The following CASP8 variants were observed in gnomAD, a reference collection of about 807,000 sequenced individuals.
CASP8 encodes caspase 8.
In CASP8, 24 loss-of-function variants were observed where a neutral mutation model predicts 46.3. The observed-to-expected ratio is 0.52, with a 90% CI of 0.38 to 0.73. The LOEUF (loss-of-function observed/expected upper bound fraction) is 0.73, where lower values mean the gene tolerates loss of function less well. Ranked by LOEUF, CASP8 falls within the 30% of genes least tolerant of loss-of-function variation. The pLI, the probability that CASP8 is intolerant of heterozygous loss-of-function variation, is 0.00. For missense variants in CASP8, 460 were observed against 559.0 expected, an observed-to-expected ratio of 0.82 and a Z score of 1.79; for synonymous variants, 188 against 200.4, an observed-to-expected ratio of 0.94 and a Z score of 0.52.
Position 201,266,876 on chromosome 2 carries a change from C to T in CASP8, c.305+85C>T. ...CTGATTGGGGCTTTTTTTTGTGGTA[C>T]CCTGCCTAGTGCCTGGGAACCCAGC... is the stretch of plus-strand genomic sequence containing the variant. On this transcript the variant is annotated intron_variant, in intron 2 of 8. Coordinates refer to ENST00000673742, the MANE Select transcript of CASP8 (RefSeq NM_001372051.1). The surrounding 1 kb of genome is among the most constrained non-coding windows in gnomAD (Gnocchi z 5.7). 2.0e-6 allele frequency: 2 copies of T among 976,762 alleles called. No individual in the cohort carries two copies. The highest frequency in any genetic ancestry group is 1.6e-5 in the South Asian group (1 of 61,406). The allele number at this position is 976,762 out of a possible 1,614,324, so 60.5% of individuals were successfully genotyped here.
intron 7 of CASP8, chr2:201,277,841 C>T (rs1389537458): frequency 3.1e-6 from 1 of 320,226 alleles, no homozygotes; most frequent in Non-Finnish European, 5.9e-6. Flanking sequence ...GCTGGGACTA[C>T]AGGCACACAC....
At chr2:201,244,717 A>G (rs1946437479) in intron 2 of CASP8, among the ~76,000 whole-genome samples, 1 of 152,170 alleles carries the variant, frequency 6.6e-6, no homozygotes, top group Non-Finnish European at 1.5e-5. Flanking sequence ...CTCAGCACCA[A>G]AGGGATAACT....
rs1576345914 is a variant in CASP8, at chr2:201,276,681, A to C, written c.661-146A>C. Reference sequence around the variant, plus strand: ...GTCTGAGAGGTCCTGTGTGAAGGAAATAGGTAGAAACTAGTTCTTCGAGGA... The same window carrying C: ...GTCTGAGAGGTCCTGTGTGAAGGAACTAGGTAGAAACTAGTTCTTCGAGGA... On this transcript the variant is annotated intron_variant, in intron 6 of 8. Coordinates refer to ENST00000673742, the MANE Select transcript of CASP8 (RefSeq NM_001372051.1). 4 of 963,658 alleles carry C rather than the reference A, an allele frequency of 4.2e-6. No individual in the cohort carries two copies. In the East Asian group the frequency reaches 1.1e-4, roughly 25 times the overall value. The allele number at this position is 963,658 out of a possible 1,614,324, so 59.7% of individuals were successfully genotyped here. A position where few individuals can be genotyped will look rare whatever the true frequency, so the allele number is the denominator to read the frequency against.
At chr2:201,234,942 G>A (rs1026302469) in intron 2 of CASP8, among the ~76,000 whole-genome samples, 3 of 152,110 alleles carry the variant, frequency 2.0e-5, no homozygotes, top group Non-Finnish European at 2.9e-5. Context: ...TTTGATTCTC[G>A]TAATAACCTT....
intron 1 of CASP8, among the ~76,000 whole-genome samples, chr2:201,264,975 GC>G (rs746401994): frequency 6.6e-6 from 1 of 152,186 alleles, no homozygotes; most frequent in Non-Finnish European, 1.5e-5. Flanking sequence ...AAACATGATC[GC>G]AGTGGGGTGG....
chr2:201,245,826 G>C (rs1946488054), intron 2 of CASP8, among the ~76,000 whole-genome samples: 1 of 151,634 alleles, frequency 6.6e-6, no homozygotes, highest in Non-Finnish European at 1.5e-5. Flanking sequence ...TGGCCAGAGA[G>C]AGCAGGCTTT....
intron 2 of CASP8, among the ~76,000 whole-genome samples, chr2:201,245,897 C>T (rs1576213383): frequency 1.7e-5 from 2 of 114,734 alleles, no homozygotes; most frequent in South Asian, 2.6e-4. Flanking sequence ...GACGGAGTTT[C>T]GCTCTTGTTG....
chr2:201,247,361 G>A (rs1946576231), intron 2 of CASP8, among the ~76,000 whole-genome samples: 1 of 151,962 alleles, frequency 6.6e-6, no homozygotes. Context: ...CCTACTGAGA[G>A]CTCACTGGGT....
At chr2:201,268,613 AAC>A (rs1170836973) in intron 2 of CASP8, among the ~76,000 whole-genome samples, 1 of 152,216 alleles carries the variant, frequency 6.6e-6, no homozygotes, top group East Asian at 1.9e-4. Context: ...GTAACAAAGT[AAC>A]ACAAACTAGC....
Position 201,272,922 on chromosome 2 carries a change from G to A in CASP8, c.575G>A (p.Ser192Asn). The A allele has an allele frequency of 6.2e-7, 1 of 1,614,120 alleles. No individual in the cohort carries two copies. The highest frequency in any genetic ancestry group is 8.5e-7 in the Non-Finnish European group (1 of 1,179,972). Residue 192 changes from serine (S) to asparagine (N), a missense_variant, in exon 5 of 9, where the codon AGT becomes AAT. Ser to Asn is a conservative substitution (Grantham distance 46). Coordinates refer to ENST00000673742, the MANE Select transcript of CASP8 (RefSeq NM_001372051.1). The surrounding 1 kb of genome is among the most constrained non-coding windows in gnomAD (Gnocchi z 4.4). The stretch of plus-strand genomic sequence containing the variant: ...GAGAGAAGCAGCAGCCTTGAAGGAA[G>A]TCCTGATGAATTTTCAAATGGTAAT... Reference protein sequence around the residue: ...SKERSSSLEGSPDEFSNGEEL... With the variant: ...SKERSSSLEGNPDEFSNGEEL...
At chr2:201,265,983 T>G (rs972113482) in intron 1 of CASP8, among the ~76,000 whole-genome samples, 2 of 19,108 alleles carry the variant, frequency 1.0e-4, no homozygotes, top group African/African-American at 3.0e-4. Context: ...TTTTTTGTGT[T>G]TTTTTTTTTT....
intron 2 of CASP8, among the ~76,000 whole-genome samples, chr2:201,254,985 G>C (rs1946950621): frequency 6.6e-6 from 1 of 152,240 alleles, no homozygotes; most frequent in Admixed American, 6.5e-5. Flanking sequence ...CATGTCTCAA[G>C]ATGAGGGTGA....
At chr2:201,260,314 C>T (rs952425866), upstream of CASP8, among the ~76,000 whole-genome samples, 3 of 152,190 alleles carry the variant, frequency 2.0e-5, no homozygotes, top group Admixed American at 1.3e-4. Flanking sequence ...GGTAAAATGG[C>T]CCATCCAAAG....
chr2:201,280,721 G>A (rs1056226718), intron 7 of CASP8, among the ~76,000 whole-genome samples: 2 of 152,200 alleles, frequency 1.3e-5, no homozygotes, highest in African/African-American at 4.8e-5. Flanking sequence ...AGATGTCCCA[G>A]GAGAAGAGAA....
At chr2:201,268,184 C>T (rs901329852) in intron 2 of CASP8, among the ~76,000 whole-genome samples, 2 of 152,076 alleles carry the variant, frequency 1.3e-5, no homozygotes, top group African/African-American at 2.4e-5. Context: ...CTTGACCTCT[C>T]AAAGTGCTGG....
At chr2:201,265,813 T>C (rs1947774781) in intron 1 of CASP8, among the ~76,000 whole-genome samples, 1 of 152,126 alleles carries the variant, frequency 6.6e-6, no homozygotes, top group South Asian at 2.1e-4. Context: ...ACCTCCATCT[T>C]TTACATTAAT....
Position 201,271,501 on chromosome 2 carries a change from C to T in CASP8, c.306-15C>T, listed in dbSNP as rs779029315. On this transcript the variant is annotated splice_polypyrimidine_tract_variant and intron_variant, in intron 2 of 8. Coordinates refer to ENST00000673742, the MANE Select transcript of CASP8 (RefSeq NM_001372051.1). ...TGGGAAAAGATTTCTAAAGTGTCTC[C>T]ATTTCCCACCACAGGGTCATGCTCT... 1.4e-6 allele frequency: 2 copies of T among 1,458,136 alleles called. No homozygotes were observed. Among genetic ancestry groups the T allele is most frequent in the South Asian group, 2.3e-5 (2 of 87,966 alleles). 90.3% of individuals were successfully genotyped at this position (1,458,136 alleles called of 1,614,324 possible).
At chr2:201,250,058 G>A (rs571352022) in intron 2 of CASP8, among the ~76,000 whole-genome samples, 5 of 152,300 alleles carry the variant, frequency 3.3e-5, no homozygotes, top group African/African-American at 1.2e-4. Flanking sequence ...TTGATAAAGG[G>A]TGGACAGTTG....
intron 2 of CASP8, among the ~76,000 whole-genome samples, chr2:201,243,129 T>G (rs890420471): frequency 2.0e-5 from 3 of 152,262 alleles, no homozygotes; most frequent in African/African-American, 7.2e-5. Context: ...TTAAGCAAGA[T>G]GAGTAAGTTC....
Sources: allele counts gnomAD v4.1 joint callset (sites outside exome capture counted in the v4.1 genomes callset), GRCh38; gene constraint gnomAD v4.1.1; non-coding constraint Gnocchi (gnomAD v3.1); transcripts MANE v1.5; gene names NCBI Gene and HGNC (gene_info 2026-07-23, HGNC 2026-07-21).